PTPRM: variants seen among roughly 807,000 people sequenced by gnomAD.
PTPRM encodes the protein protein tyrosine phosphatase receptor type M.
Under a neutral mutation model 186.7 loss-of-function variants are expected in PTPRM, and 47 were observed. The ratio of observed to expected loss-of-function variants is 0.25; its 90% CI spans 0.20 to 0.32. The LOEUF (loss-of-function observed/expected upper bound fraction) is 0.32. Ranked by LOEUF, PTPRM falls within the 10% of genes least tolerant of loss-of-function variation. PTPRM has a pLI of 1.00. For missense variants in PTPRM, 1,494 were observed against 1,865.0 expected (o/e 0.80, Z 3.66); for synonymous variants, 668 against 674.9 (o/e 0.99, Z 0.16).
At chr18:8,080,763 A>G (rs2090085430) in intron 9 of PTPRM, among the ~76,000 whole-genome samples, 1 of 152,130 alleles carries the variant, frequency 6.6e-6, no homozygotes. Context: ...CCAAATCTAT[A>G]TTTATAACGC....
At chr18:7,895,172 T>C (rs1018707367) in intron 3 of PTPRM, among the ~76,000 whole-genome samples, 3 of 151,924 alleles carry the variant, frequency 2.0e-5, no homozygotes, top group Non-Finnish European at 2.9e-5. Flanking sequence ...AGCCTCACTT[T>C]CCTAATTACA....
chr18:8,039,769 A>G (rs1275531910), intron 7 of PTPRM, among the ~76,000 whole-genome samples: 3 of 152,128 alleles, frequency 2.0e-5, no homozygotes, highest in Non-Finnish European at 4.4e-5. Flanking sequence ...GTTATTTCCC[A>G]TGTCTAACTA....
intron 1 of PTPRM, among the ~76,000 whole-genome samples, chr18:7,724,758 C>T (rs1436513021): frequency 6.6e-6 from 1 of 152,122 alleles, no homozygotes; most frequent in Non-Finnish European, 1.5e-5. Context: ...GGCTGTTCCT[C>T]GTATATTCAT....
intron 7 of PTPRM, among the ~76,000 whole-genome samples, chr18:8,002,839 A>C (rs570924249): frequency 9.2e-5 from 14 of 152,340 alleles, no homozygotes; most frequent in South Asian, 8.3e-4. Context: ...TCAGGCTGAG[A>C]TGGACAAGAA....
chr18:7,576,557 C>G (rs1159990839), intron 1 of PTPRM, among the ~76,000 whole-genome samples: 1 of 152,098 alleles, frequency 6.6e-6, no homozygotes, highest in Admixed American at 6.5e-5. Flanking sequence ...CTCAATGTAG[C>G]TTCGACTTCC....
intron 14 of PTPRM, among the ~76,000 whole-genome samples, chr18:8,162,127 T>G (rs1600926314): frequency 6.6e-6 from 1 of 151,832 alleles, no homozygotes; most frequent in East Asian, 1.9e-4. Flanking sequence ...CCTACGGAGT[T>G]TCACTCTTGT....
chr18:7,639,391 C>CTTTT (rs5822976), intron 1 of PTPRM, among the ~76,000 whole-genome samples: 1 of 142,240 alleles, frequency 7.0e-6, no homozygotes, highest in African/African-American at 2.6e-5. Flanking sequence ...ATTCTATATG[C>CTTTT]TTTTTTTTTT....
intron 2 of PTPRM, among the ~76,000 whole-genome samples, chr18:7,832,345 T>A (rs2045804990): frequency 6.6e-6 from 1 of 152,226 alleles, no homozygotes; most frequent in Non-Finnish European, 1.5e-5. Flanking sequence ...GATATCTCAT[T>A]GTAGTTTTGA....
At chr18:8,361,737 G>A (rs1486660419) in intron 23 of PTPRM, among the ~76,000 whole-genome samples, 1 of 152,160 alleles carries the variant, frequency 6.6e-6, no homozygotes, top group Non-Finnish European at 1.5e-5. Flanking sequence ...GAATGGTTCA[G>A]TGACTTGCAC....
At chr18:7,835,464 T>A (rs956666857) in intron 2 of PTPRM, among the ~76,000 whole-genome samples, 2 of 152,230 alleles carry the variant, frequency 1.3e-5, no homozygotes, top group East Asian at 3.9e-4. Context: ...TATTTATATT[T>A]GTTTGAATGT....
chr18:8,087,602 A>G (rs1472315351), intron 10 of PTPRM, among the ~76,000 whole-genome samples: 1 of 152,154 alleles, frequency 6.6e-6, no homozygotes. Context: ...TAAAACAGTT[A>G]CAGTTTACAG....
chr18:7,861,860 C>T (rs918848812), intron 2 of PTPRM, among the ~76,000 whole-genome samples: 1 of 151,944 alleles, frequency 6.6e-6, no homozygotes, highest in African/African-American at 2.4e-5. Context: ...TTACCCCCAC[C>T]CTGCAAAGTA....
At chr18:8,152,501 CT>C (rs953113022) in intron 14 of PTPRM, among the ~76,000 whole-genome samples, 1 of 152,170 alleles carries the variant, frequency 6.6e-6, no homozygotes, top group African/African-American at 2.4e-5. Flanking sequence ...ACCATTACAA[CT>C]GTTTTTCCCC....
At chr18:7,804,223 C>T (rs1024932244) in intron 2 of PTPRM, among the ~76,000 whole-genome samples, 17 of 152,100 alleles carry the variant, frequency 1.1e-4, no homozygotes, top group African/African-American at 4.1e-4. Context: ...GGCTGTTACC[C>T]TCCTGGATCA....
At chr18:7,944,249 T>C (rs12326176) in intron 5 of PTPRM, among the ~76,000 whole-genome samples, 42,399 of 152,082 alleles carry the variant, frequency 0.28, 7,677 homozygotes, top group African/African-American at 0.52. Context: ...CCTTATGGAC[T>C]GCTAGAGGAG....
intron 22 of PTPRM, among the ~76,000 whole-genome samples, chr18:8,323,700 C>T (rs1490565990): frequency 6.6e-6 from 1 of 152,096 alleles, no homozygotes; most frequent in Non-Finnish European, 1.5e-5. Context: ...CTGTACAGCA[C>T]CCTGTAGAGT....
chr18:7,982,146 C>T (rs1007065685), intron 7 of PTPRM, among the ~76,000 whole-genome samples: 4 of 152,060 alleles, frequency 2.6e-5, no homozygotes, highest in Non-Finnish European at 5.9e-5. Flanking sequence ...ACCTTAGAAA[C>T]GTTTCAATGC....
At chr18:7,750,276 A>T (rs1052599301) in intron 1 of PTPRM, among the ~76,000 whole-genome samples, 3 of 152,162 alleles carry the variant, frequency 2.0e-5, no homozygotes, top group Admixed American at 6.5e-5. Context: ...CATTTGTTTT[A>T]AAAAAAAGAA....
chr18:7,723,568 TC>T (rs2040489846), intron 1 of PTPRM, among the ~76,000 whole-genome samples: 1 of 152,136 alleles, frequency 6.6e-6, no homozygotes, highest in Admixed American at 6.5e-5. Flanking sequence ...GTGCTCTGCA[TC>T]TTTCCATGTT....
Sources: gnomAD v4.1 joint callset for allele counts (sites outside exome capture counted in the v4.1 genomes callset) on GRCh38, gnomAD v4.1.1 for gene constraint, MANE v1.5 for transcripts, NCBI Gene and HGNC (gene_info 2026-07-23, HGNC 2026-07-21) for gene names.